Variants in IRX2 observed in about 807,000 individuals in gnomAD.
IRX2 encodes the protein iroquois homeobox 2, also known as iroquois-class homeodomain protein IRX-2.
Under a neutral mutation model 42.9 loss-of-function variants are expected in IRX2, and 26 were observed. The observed-to-expected ratio is 0.61, with a 90% confidence interval of 0.44 to 0.84. The LOEUF is 0.84. IRX2 is among the 40% of genes least tolerant of loss of function. IRX2 has a pLI of 0.00. For missense variants in IRX2, 782 were observed against 713.9 expected, an observed-to-expected ratio of 1.10 and a Z score of -1.09; for synonymous variants, 424 against 353.9, an observed-to-expected ratio of 1.20 and a Z score of -2.22.
At position 2,751,423 on chromosome 5, in the gene IRX2, G is replaced by T. The variant is rs528710268; in HGVS notation, c.-10C>A. 1,210 of 1,295,844 alleles carry T rather than the reference G, an allele frequency of 9.3e-4. 4 individuals carry two copies. The highest frequency in any genetic ancestry group is 3.9e-3 in the Admixed American group (97 of 24,808). 80.3% of individuals were successfully genotyped at this position (1,295,844 alleles called of 1,614,324 possible). The stretch of plus-strand genomic sequence containing the variant: ...CCTGCGGGTAGGACATGGTGGGCGC[G>T]GGGCGCGGGGCCCGCGTCACGCCGA... On this transcript the variant is annotated 5_prime_UTR_variant, in exon 1 of 4. Coordinates refer to ENST00000302057, the MANE Select transcript of IRX2 (RefSeq NM_033267.5). The surrounding 1 kb of genome is among the most constrained non-coding windows in gnomAD (Gnocchi z 4.0).
At chr5:2,741,670 T>C (rs1320726573), downstream of IRX2, among the ~76,000 whole-genome samples, 1 of 152,244 alleles carries the variant, frequency 6.6e-6, no homozygotes, top group East Asian at 1.9e-4. Flanking sequence ...CAATAAATTG[T>C]CAATTTATCT....
rs113981411 is a variant in IRX2, at chr5:2,746,482, C to T, written c.*1082G>A. The T allele has an allele frequency of 6.6e-3, 1,004 of 152,286 alleles. 12 individuals are homozygous for T. The highest frequency in any genetic ancestry group is 7.3e-3 in the Non-Finnish European group (499 of 68,014). 9.4% of individuals were successfully genotyped at this position (152,286 alleles called of 1,614,324 possible). A position where few individuals can be genotyped will look rare whatever the true frequency, so the allele number is the denominator to read the frequency against. ...TCCTATCACACCTATAGAATATATA[C>T]CGTGGCAATGAAGTGATCAATTCAA... On this transcript the variant is annotated 3_prime_UTR_variant, in exon 4 of 4. Transcript: ENST00000302057.
At chr5:2,738,480 G>C in the IRX2 span, among the ~76,000 whole-genome samples, 15 of 152,202 alleles carry the variant, frequency 9.9e-5, no homozygotes, top group African/African-American at 3.4e-4. Flanking sequence ...GTACCAAGGA[G>C]CCTGATTCGC....
Position 2,747,557 on chromosome 5 carries a change from G to C in IRX2, c.*7C>G. The C allele has an allele frequency of 1.2e-6, 2 of 1,613,554 alleles. No individual in the cohort carries two copies. Among genetic ancestry groups the C allele is most frequent in the South Asian group, 1.1e-5 (1 of 91,072 alleles). Reference sequence around the variant, plus strand: ...CCCACTTACTTGCATTGCTGTGCTCGGCCCTTCTATAGGTAGGGCTGGACG... The same window carrying C: ...CCCACTTACTTGCATTGCTGTGCTCCGCCCTTCTATAGGTAGGGCTGGACG... On this transcript the variant is annotated 3_prime_UTR_variant, in exon 4 of 4. Transcript: ENST00000302057.
At chr5:2,740,958 C>G (rs1335528582), downstream of IRX2, among the ~76,000 whole-genome samples, 2 of 152,232 alleles carry the variant, frequency 1.3e-5, no homozygotes, top group African/African-American at 4.8e-5. Context: ...CTGCCTTGAC[C>G]CCACCTAATC....
At chr5:2,750,960 A>T (rs1579632609) in intron 1 of IRX2, among the ~76,000 whole-genome samples, 1 of 151,832 alleles carries the variant, frequency 6.6e-6, no homozygotes, top group East Asian at 2.0e-4. Context: ...GGCCGGGCTC[A>T]GGGACGTCCC....
chr5:2,744,532 G>A (rs533375445), downstream of IRX2, among the ~76,000 whole-genome samples: 5 of 152,294 alleles, frequency 3.3e-5, 1 homozygote, highest in South Asian at 1.0e-3. Flanking sequence ...TCTATGAAAA[G>A]TCTATGAAGG....
the IRX2 span, chr5:2,737,382 A>C: frequency 6.6e-6 from 1 of 152,280 alleles, no homozygotes; most frequent in South Asian, 2.1e-4. Context: ...TGGCGAGGAC[A>C]GAGGGCGGAG....
chr5:2,742,178 C>A (rs1737558978), downstream of IRX2, among the ~76,000 whole-genome samples: 1 of 152,260 alleles, frequency 6.6e-6, no homozygotes, highest in East Asian at 1.9e-4. Flanking sequence ...AGTGGGGTGT[C>A]TGCTTCCTAA....
chr5:2,749,368 C>G lies in IRX2; in HGVS notation c.655+14G>C, dbSNP rs559047154. On this transcript the variant is annotated intron_variant, in intron 2 of 3. Coordinates refer to ENST00000302057, the MANE Select transcript of IRX2 (RefSeq NM_033267.5). ...AAGCGCCCCGAGACCTTGCGCCGGC[C>G]GCTGCCCGCTCACCTTCGTCCTCTG... is the stretch of plus-strand genomic sequence containing the variant. 5 of 1,579,950 alleles carry G rather than the reference C, an allele frequency of 3.2e-6. No homozygotes were observed. The highest frequency in any genetic ancestry group is 1.4e-5 in the African/African-American group (1 of 73,324).
downstream of IRX2, among the ~76,000 whole-genome samples, chr5:2,743,611 C>T (rs1428579961): frequency 3.9e-5 from 6 of 152,248 alleles, no homozygotes; most frequent in Non-Finnish European, 8.8e-5. Context: ...TGCTCCTGGT[C>T]GCCCCGTTTT....
the IRX2 span, among the ~76,000 whole-genome samples, chr5:2,740,182 C>A: frequency 7.2e-6 from 1 of 138,050 alleles, no homozygotes; most frequent in Non-Finnish European, 1.5e-5. Flanking sequence ...TCGTGGCGTG[C>A]GGGGGCGGGG....
At chr5:2,740,191 G>GGT in the IRX2 span, among the ~76,000 whole-genome samples, 173 of 149,570 alleles carry the variant, frequency 1.2e-3, no homozygotes, top group African/African-American at 3.5e-3. Flanking sequence ...GCGGGGGCGG[G>GGT]GGTCCTGCCC....
In IRX2 at chr5:2,746,614, T is replaced by TA. The variant is rs1163569103; in HGVS notation, c.*949dup. On this transcript the variant is annotated 3_prime_UTR_variant, in exon 4 of 4. Coordinates refer to ENST00000302057, the MANE Select transcript of IRX2 (RefSeq NM_033267.5). ...TCCAACAATAGTCTGTTCCAATTGT[T>TA]AGAGTCTGTGGGCTGACAGTGCTGT... 3 of 152,658 alleles carry TA rather than the reference T, an allele frequency of 2.0e-5. No individual in the cohort carries two copies. Among genetic ancestry groups the TA allele is most frequent in the Non-Finnish European group, 4.4e-5 (3 of 68,044 alleles). The allele number at this position is 152,658 out of a possible 1,614,324, so 9.5% of individuals were successfully genotyped here. A position where few individuals can be genotyped will look rare whatever the true frequency, so the allele number is the denominator to read the frequency against.
downstream of IRX2, among the ~76,000 whole-genome samples, chr5:2,743,535 C>CCGGGAGCGCGCCCAGGCCT (rs1485432609): frequency 0.013 from 1,953 of 151,980 alleles, 16 homozygotes; most frequent in Non-Finnish European, 0.017. Flanking sequence ...CGCCGGGCCG[C>CCGGGAGCGCGCCCAGGCCT]GGAGCCGGGA....
downstream of IRX2, among the ~76,000 whole-genome samples, chr5:2,741,054 G>C (rs1737526556): frequency 6.6e-6 from 1 of 152,238 alleles, no homozygotes; most frequent in Non-Finnish European, 1.5e-5. Context: ...GTGCACGCGG[G>C]ACCCGCACTC....
Position 2,751,213 on chromosome 5 carries a change from C to T in IRX2, c.201G>A (p.Gln67=), listed in dbSNP as rs1737958582. 7.4e-7 allele frequency: 1 copy of T among 1,349,202 alleles called. No homozygotes were observed. 83.6% of individuals were successfully genotyped at this position (1,349,202 alleles called of 1,614,324 possible). Residue 67 remains glutamine (Q), a synonymous_variant, in exon 1 of 4, where the codon CAG becomes CAA. Transcript: ENST00000302057. This position sits in a 1 kb window ranked among gnomAD's most constrained non-coding sequence, Gnocchi z 4.0. The stretch of plus-strand genomic sequence containing the variant: ...CGGCGGCGGCGGCGTCGGCCGAGTA[C>T]TGCAGCGGGCTCCCGAAGCCGGTGG... ...QAATGFGSPL[Q]YSADAAAAAA... is the part of the protein sequence containing the mutation.
In IRX2 at chr5:2,748,415, C is replaced by A. The variant is rs751267570; in HGVS notation, c.1293G>T (p.Ala431=). The change falls in exon 3 of 4, where the codon GCG becomes GCT. Residue 431 remains alanine, a synonymous_variant. Coordinates refer to ENST00000302057, the MANE Select transcript of IRX2 (RefSeq NM_033267.5). Reference sequence around the variant, plus strand: ...CGAGCGGGTGCGCGCCCGCCTTGCCCGCGTCGCTGGCCGCCTTTGGCGCGG... The same window carrying A: ...CGAGCGGGTGCGCGCCCGCCTTGCCAGCGTCGCTGGCCGCCTTTGGCGCGG... ...LHTAPKAASD[A]GKAGAHPLES... The A allele has an allele frequency of 6.6e-7, 1 of 1,505,736 alleles. No homozygotes were observed. The highest frequency in any genetic ancestry group is 1.4e-5 in the African/African-American group (1 of 69,462). The allele number at this position is 1,505,736 out of a possible 1,614,324, so 93.3% of individuals were successfully genotyped here. A position where few individuals can be genotyped will look rare whatever the true frequency, so the allele number is the denominator to read the frequency against.
rs1478422087 is a variant in IRX2 at position 2,748,618 on chromosome 5, C to T, written c.1090G>A (p.Gly364Arg). The part of the protein sequence containing the change: ...LPAAAAPAST[G>R]APPGGSPYPA... ...TAGGGCGAGCCTCCTGGCGGTGCCC[C>T]GGTTGAGGCCGGCGCGGCGGCCGCG... Residue 364 changes from glycine to arginine, a missense_variant, in exon 3 of 4, where the codon GGG becomes AGG. This residue lies in a region of IRX2 where 520 missense variants were observed against 437.8 expected (regional missense o/e 1.19). Transcript: ENST00000302057. The T allele has an allele frequency of 6.6e-7, 1 of 1,504,026 alleles. No individual in the cohort carries two copies. Among genetic ancestry groups the T allele is most frequent in the Non-Finnish European group, 8.8e-7 (1 of 1,131,078 alleles). 93.2% of individuals were successfully genotyped at this position (1,504,026 alleles called of 1,614,324 possible).
Sources: gnomAD v4.1 joint callset for allele counts (sites outside exome capture counted in the v4.1 genomes callset) on GRCh38, gnomAD v4.1.1 for gene constraint, gnomAD v4.1.1 regional missense constraint, Gnocchi (gnomAD v3.1) non-coding constraint, MANE v1.5 for transcripts, NCBI Gene and HGNC (gene_info 2026-07-23, HGNC 2026-07-21) for gene names.